KHDRBS2: variants seen among roughly 807,000 people sequenced by gnomAD.
The protein encoded by KHDRBS2 is KH domain-containing, RNA-binding, signal transduction-associated protein 2.
Under a neutral mutation model 44.3 loss-of-function variants are expected in KHDRBS2, and 26 were observed. The ratio of observed to expected loss-of-function variants is 0.59; its 90% confidence interval spans 0.43 to 0.81. The LOEUF (loss-of-function observed/expected upper bound fraction) is 0.81, where lower values mean the gene tolerates loss of function less well. Ranked by LOEUF, KHDRBS2 falls within the 40% of genes least tolerant of loss-of-function variation. KHDRBS2 has a pLI of 0.00. For synonymous variants in KHDRBS2, 194 were observed against 151.1 expected (o/e 1.28, Z -2.08); for missense variants, 476 against 433.1 (o/e 1.10, Z -0.88).
At chr6:61,897,928 G>A (rs1475118291) in intron 5 of KHDRBS2, among the ~76,000 whole-genome samples, 1 of 152,058 alleles carries the variant, frequency 6.6e-6, no homozygotes, top group South Asian at 2.1e-4. Flanking sequence ...ACATATAGTG[G>A]TGATGTGTGT....
At chr6:61,978,461 C>T (rs1422984207) in intron 3 of KHDRBS2, among the ~76,000 whole-genome samples, 3 of 151,924 alleles carry the variant, frequency 2.0e-5, no homozygotes, top group African/African-American at 7.2e-5. Flanking sequence ...TTTTAATCAG[C>T]TAAATGAAAA....
chr6:61,638,290 T>C, the KHDRBS2 span, among the ~76,000 whole-genome samples: 29,376 of 151,760 alleles, frequency 0.19, 3,311 homozygotes, highest in South Asian at 0.33. Context: ...AACAGCATGG[T>C]ACTGGTACCA....
the KHDRBS2 span, among the ~76,000 whole-genome samples, chr6:61,615,878 T>C: frequency 6.6e-6 from 1 of 152,032 alleles, no homozygotes; most frequent in Non-Finnish European, 1.5e-5. Context: ...AGAGGAAAAA[T>C]TAGAGATATG....
chr6:61,802,959 T>A (rs1786525391), intron 6 of KHDRBS2, among the ~76,000 whole-genome samples: 1 of 152,144 alleles, frequency 6.6e-6, no homozygotes, highest in Non-Finnish European at 1.5e-5. Flanking sequence ...AAAGAGCAGA[T>A]AGAAAGATTT....
chr6:62,147,426 A>C (rs773078730), intron 2 of KHDRBS2, among the ~76,000 whole-genome samples: 8 of 151,896 alleles, frequency 5.3e-5, no homozygotes, highest in Non-Finnish European at 7.4e-5. Flanking sequence ...GAAAGAGAAA[A>C]CATACCACTT....
chr6:61,707,531 A>G (rs1171447200), intron 7 of KHDRBS2, among the ~76,000 whole-genome samples: 2 of 151,856 alleles, frequency 1.3e-5, no homozygotes, highest in African/African-American at 4.8e-5. Flanking sequence ...AAATGCTAAA[A>G]GCCAATTATT....
intron 6 of KHDRBS2, among the ~76,000 whole-genome samples, chr6:61,858,881 A>C (rs2127293334): frequency 6.6e-6 from 1 of 152,056 alleles, no homozygotes; most frequent in East Asian, 1.9e-4. Context: ...AATATAAATT[A>C]TTTGATTTAA....
intron 1 of KHDRBS2, among the ~76,000 whole-genome samples, chr6:62,241,745 T>C (rs1296751226): frequency 1.3e-5 from 2 of 148,314 alleles, no homozygotes; most frequent in African/African-American, 5.3e-5. Context: ...GCCTGGGACA[T>C]AGTTATTGCT....
rs1429409888 is a variant in KHDRBS2 at position 61,967,643 on chromosome 6, C to T, written c.483+10423G>A. ...GAAAGCAGAGTGGAGGTAAGCAAGT[C>T]GGTTGGGAAGAGGCTGAAAGTGAAT... is the stretch of plus-strand genomic sequence containing the variant. On this transcript the variant is annotated intron_variant, in intron 4 of 8. Transcript: ENST00000281156. 6.6e-5 allele frequency among the ~76,000 whole-genome samples: 10 copies of T among 151,752 alleles called. No individual in the cohort carries two copies. In the South Asian group the frequency reaches 1.5e-3, roughly 22 times the overall value.
At chr6:61,712,671 A>G (rs1770710241) in intron 7 of KHDRBS2, among the ~76,000 whole-genome samples, 1 of 151,892 alleles carries the variant, frequency 6.6e-6, no homozygotes, top group Non-Finnish European at 1.5e-5. Context: ...TATCTGTAAC[A>G]TGAGGATAAA....
chr6:61,750,729 T>C (rs1777550049), intron 6 of KHDRBS2, among the ~76,000 whole-genome samples: 1 of 151,434 alleles, frequency 6.6e-6, no homozygotes, highest in Non-Finnish European at 1.5e-5. Flanking sequence ...TAACTGCCTT[T>C]CTTCTTCTCA....
At chr6:61,659,384 G>T in the KHDRBS2 span, among the ~76,000 whole-genome samples, 4 of 151,688 alleles carry the variant, frequency 2.6e-5, no homozygotes, top group Non-Finnish European at 5.9e-5. Flanking sequence ...CTGCTGAAAC[G>T]AGTTAATGCC....
At chr6:62,136,871 A>G (rs1012951537) in intron 2 of KHDRBS2, among the ~76,000 whole-genome samples, 4 of 152,098 alleles carry the variant, frequency 2.6e-5, no homozygotes, top group Non-Finnish European at 2.9e-5. Context: ...GCATAAGGTG[A>G]TAACATTCGC....
the KHDRBS2 span, among the ~76,000 whole-genome samples, chr6:61,564,975 A>T: frequency 6.6e-6 from 1 of 152,082 alleles, no homozygotes; most frequent in Non-Finnish European, 1.5e-5. Context: ...TAAAGAAATA[A>T]ATTTACACAT....
intron 1 of KHDRBS2, among the ~76,000 whole-genome samples, chr6:62,201,761 A>AT (rs1327011248): frequency 6.6e-6 from 1 of 152,098 alleles, no homozygotes; most frequent in Non-Finnish European, 1.5e-5. Context: ...CAAATAAGTC[A>AT]TTTTTATTAA....
intron 1 of KHDRBS2, among the ~76,000 whole-genome samples, chr6:62,186,051 T>C (rs1823349604): frequency 6.6e-6 from 1 of 152,170 alleles, no homozygotes; most frequent in African/African-American, 2.4e-5. Context: ...TCCTAGTATA[T>C]TCTTAAGAAT....
At chr6:62,232,686 G>C (rs555823859) in intron 1 of KHDRBS2, among the ~76,000 whole-genome samples, 2 of 152,070 alleles carry the variant, frequency 1.3e-5, no homozygotes, top group Admixed American at 6.6e-5. Flanking sequence ...GTATAGCCAG[G>C]TAAACAGATT....
At chr6:61,928,066 C>G (rs1235625439) in intron 4 of KHDRBS2, among the ~76,000 whole-genome samples, 3 of 152,090 alleles carry the variant, frequency 2.0e-5, no homozygotes, top group Non-Finnish European at 4.4e-5. Context: ...GTTCTGCTTA[C>G]TGCTTGCATT....
chr6:61,789,902 G>T (rs181316299), intron 6 of KHDRBS2, among the ~76,000 whole-genome samples: 1 of 151,598 alleles, frequency 6.6e-6, no homozygotes, highest in Admixed American at 6.6e-5. Flanking sequence ...GGGAAATAAA[G>T]TAAGGCTCAA....
Sources: allele counts gnomAD v4.1 joint callset (sites outside exome capture counted in the v4.1 genomes callset), GRCh38; gene constraint gnomAD v4.1.1; transcripts MANE v1.5; gene names NCBI Gene and HGNC (gene_info 2026-07-23, HGNC 2026-07-21).